Variants in EPHA5 observed in about 807,000 individuals in gnomAD.
The protein encoded by EPHA5 is ephrin type-A receptor 5.
Under a neutral mutation model 105.0 loss-of-function variants are expected in EPHA5, and 60 were observed. The ratio of observed to expected loss-of-function variants is 0.57; its 90% CI spans 0.46 to 0.71. The LOEUF (loss-of-function observed/expected upper bound fraction) is 0.71, where lower values mean the gene tolerates loss of function less well. EPHA5 is among the 30% of genes least tolerant of loss of function. The pLI, the probability that EPHA5 is intolerant of heterozygous loss-of-function variation, is 0.00. For missense variants in EPHA5, 1,218 were observed against 1,274.7 expected (o/e 0.96, Z 0.68); for synonymous variants, 513 against 449.1 (o/e 1.14, Z -1.80).
chr4:65,545,065 A>G (rs1737241359), intron 3 of EPHA5, among the ~76,000 whole-genome samples: 1 of 151,904 alleles, frequency 6.6e-6, no homozygotes, highest in Non-Finnish European at 1.5e-5. Context: ...CTTTGTGGTC[A>G]GTAAACTACC....
intron 3 of EPHA5, among the ~76,000 whole-genome samples, chr4:65,510,284 A>T (rs1470938882): frequency 1.3e-5 from 2 of 151,040 alleles, no homozygotes; most frequent in Non-Finnish European, 1.5e-5. Context: ...ACCTCAGGTG[A>T]TCAGCCCACC....
Position 65,542,915 on chromosome 4 carries a change from A to G in EPHA5, c.911-47372T>C, listed in dbSNP as rs577443362. Among the ~76,000 whole-genome samples the G allele has an allele frequency of 8.5e-5, 13 of 152,230 alleles. 1 individual carries two copies. The South Asian group carries it at 2.7e-3, about 32-fold the overall frequency. On this transcript the variant is annotated intron_variant, in intron 3 of 16. Transcript: ENST00000613740. ...CAGCCCTGGGATGCAAGGCTGGTTC[A>G]ATATATGCAAATCAATAAACATAAT...
At chr4:65,549,552 C>A (rs200985554) in intron 3 of EPHA5, among the ~76,000 whole-genome samples, 522 of 3,944 alleles carry the variant, frequency 0.13, 14 homozygotes, top group Admixed American at 0.41. Context: ...TCTAAGTTGA[C>A]TTTTTCTAGA....
intron 3 of EPHA5, among the ~76,000 whole-genome samples, chr4:65,577,434 C>T (rs1345189390): frequency 2.0e-5 from 3 of 151,934 alleles, no homozygotes; most frequent in African/African-American, 7.3e-5. Flanking sequence ...TTAAAATCTG[C>T]TTTATTATGT....
At chr4:65,540,236 A>C (rs1286037819) in intron 3 of EPHA5, among the ~76,000 whole-genome samples, 1 of 151,610 alleles carries the variant, frequency 6.6e-6, no homozygotes, top group Non-Finnish European at 1.5e-5. Flanking sequence ...CTATTTTGAA[A>C]AGTAATATTT....
chr4:65,329,856 A>G (rs1246731961), intron 16 of EPHA5, among the ~76,000 whole-genome samples: 1 of 150,612 alleles, frequency 6.6e-6, no homozygotes, highest in East Asian at 2.0e-4. Flanking sequence ...GAACAGATGA[A>G]CTTTTAAAAA....
intron 3 of EPHA5, among the ~76,000 whole-genome samples, chr4:65,518,674 C>G (rs2149274215): frequency 6.6e-6 from 1 of 152,032 alleles, no homozygotes; most frequent in Middle Eastern, 3.4e-3. Context: ...GAAATGTACC[C>G]TTTAAATAGG....
intron 4 of EPHA5, among the ~76,000 whole-genome samples, chr4:65,494,892 G>C (rs1731763791): frequency 6.6e-6 from 1 of 152,028 alleles, no homozygotes; most frequent in Non-Finnish European, 1.5e-5. Context: ...GGGCAGTTTA[G>C]AACAAGATGG....
intron 2 of EPHA5, among the ~76,000 whole-genome samples, chr4:65,618,593 T>C (rs974477503): frequency 4.6e-5 from 7 of 152,210 alleles, no homozygotes; most frequent in Non-Finnish European, 8.8e-5. Flanking sequence ...GTAGTTACTT[T>C]ATTGCTTTAT....
chr4:65,453,395 C>A (rs1452152174), intron 5 of EPHA5, among the ~76,000 whole-genome samples: 1 of 152,106 alleles, frequency 6.6e-6, no homozygotes, highest in South Asian at 2.1e-4. Flanking sequence ...AATGAAACTG[C>A]CGTGGGCCAC....
intron 1 of EPHA5, among the ~76,000 whole-genome samples, chr4:65,649,296 A>G (rs561189897): frequency 1.3e-5 from 2 of 152,312 alleles, no homozygotes; most frequent in South Asian, 4.1e-4. Flanking sequence ...AGACCTAAAC[A>G]TCAGATCACT....
chr4:65,650,285 C>T (rs1474747322), intron 1 of EPHA5, among the ~76,000 whole-genome samples: 3 of 151,732 alleles, frequency 2.0e-5, no homozygotes, highest in African/African-American at 7.3e-5. Flanking sequence ...CGGTGGCTCA[C>T]GCCTGTGATC....
intron 2 of EPHA5, among the ~76,000 whole-genome samples, chr4:65,629,186 A>G (rs909889929): frequency 7.3e-6 from 1 of 137,276 alleles, no homozygotes; most frequent in African/African-American, 2.6e-5. Flanking sequence ...TTTTGTTTCT[A>G]TACTTTCATA....
intron 3 of EPHA5, among the ~76,000 whole-genome samples, chr4:65,597,866 G>T (rs1743337650): frequency 6.6e-6 from 1 of 152,084 alleles, no homozygotes; most frequent in Non-Finnish European, 1.5e-5. Context: ...CACCTGGATT[G>T]AGGCCATATG....
chr4:65,469,212 C>G (rs1211630667), intron 5 of EPHA5, among the ~76,000 whole-genome samples: 1 of 152,024 alleles, frequency 6.6e-6, no homozygotes. Context: ...AGAAATGAAG[C>G]CAGACCCATA....
rs1171069459 is a variant in EPHA5, at chr4:65,427,180, G to C, written c.1403-6615C>G. 4.9e-5 allele frequency among the ~76,000 whole-genome samples: 6 copies of C among 122,240 alleles called. No individual in the cohort carries two copies. In the Admixed American group the frequency reaches 6.5e-4, roughly 13 times the overall value. The allele number at this position is 122,240 out of a possible 152,430, so 80.2% of individuals were successfully genotyped here. On this transcript the variant is annotated intron_variant, in intron 5 of 16. Coordinates refer to ENST00000613740, the MANE Select transcript of EPHA5 (RefSeq NM_001281766.3). Reference sequence around the variant, plus strand: ...TGTTTAGTAATTATAAAACTCGAGTGTATTCTTTTTTTTTTTTTTTTTGAG... The same window carrying C: ...TGTTTAGTAATTATAAAACTCGAGTCTATTCTTTTTTTTTTTTTTTTTGAG...
chr4:65,522,420 G>T (rs1246470777), intron 3 of EPHA5, among the ~76,000 whole-genome samples: 4 of 151,346 alleles, frequency 2.6e-5, no homozygotes, highest in Non-Finnish European at 2.9e-5. Flanking sequence ...GCGAGGAAAA[G>T]AATTTTGTGC....
intron 5 of EPHA5, among the ~76,000 whole-genome samples, chr4:65,429,247 T>C (rs2149058565): frequency 6.6e-6 from 1 of 152,194 alleles, no homozygotes; most frequent in South Asian, 2.1e-4. Context: ...ATTATTCAGT[T>C]ATACTATATT....
At chr4:65,334,866 A>AGAT (rs1318960762) in intron 15 of EPHA5, among the ~76,000 whole-genome samples, 1 of 152,014 alleles carries the variant, frequency 6.6e-6, no homozygotes, top group African/African-American at 2.4e-5. Context: ...TCAAATAAGT[A>AGAT]GATAAGAGAA....
Sources: gnomAD v4.1 joint callset for allele counts (sites outside exome capture counted in the v4.1 genomes callset) on GRCh38, gnomAD v4.1.1 for gene constraint, MANE v1.5 for transcripts, NCBI Gene and HGNC (gene_info 2026-07-23, HGNC 2026-07-21) for gene names.